Variants in USO1 observed in about 807,000 individuals in gnomAD.
The protein encoded by USO1 is USO1 vesicle transport factor, also known as general vesicular transport factor p115.
USO1 carries 57 observed loss-of-function variants against 124.5 expected under a neutral mutation model. The observed-to-expected ratio is 0.46, with a 90% CI of 0.37 to 0.57. The LOEUF (loss-of-function observed/expected upper bound fraction) is 0.57. USO1 is among the 20% of genes least tolerant of loss of function. USO1 has a pLI of 0.00. For synonymous variants in USO1, 369 were observed against 362.8 expected (o/e 1.02, Z -0.19); for missense variants, 900 against 1,040.6 (o/e 0.86, Z 1.86).
chr4:75,724,958 G>C (rs956630482), intron 1 of USO1, 73 bp downstream of exon 1: 1 of 1,540,412 alleles, frequency 6.5e-7, no homozygotes, highest in African/African-American at 1.4e-5. Flanking sequence ...TCGGAGACCC[G>C]AAGGTCACCT....
intron 1 of USO1, among the ~76,000 whole-genome samples, chr4:75,748,297 T>C (rs1721191849): frequency 6.6e-6 from 1 of 151,476 alleles, no homozygotes; most frequent in Non-Finnish European, 1.5e-5. Flanking sequence ...CAAGCAATTC[T>C]TGTGCCTCGG....
intron 1 of USO1, chr4:75,744,927 T>C: frequency 2.0e-6 from 1 of 507,824 alleles, no homozygotes; most frequent in Non-Finnish European, 3.9e-6. Context: ...AACAAATTTC[T>C]AGAAGTTGAA....
At chr4:75,800,867 T>C (rs894381857) in intron 16 of USO1, 68 bp downstream of exon 16, 1 of 1,535,928 alleles carries the variant, frequency 6.5e-7, no homozygotes, top group Non-Finnish European at 8.8e-7. Flanking sequence ...ATGTATATTC[T>C]GGATGCATAC....
At position 75,790,393 on chromosome 4, in the gene USO1, A is replaced by AAAT. The variant is rs571076036; in HGVS notation, c.1085+157_1085+158insTAA. Among the ~76,000 whole-genome samples, 740 of 152,342 alleles carry AAAT rather than the reference A, an allele frequency of 4.9e-3. 1 individual carries two copies. The highest frequency in any genetic ancestry group is 7.6e-3 in the Non-Finnish European group (514 of 68,030). ...CAAGATAAATGATATTGATATTTTA[A>AAAT]AAGAGTTGGTAGTCTTTGGAATTTA... On this transcript the variant is annotated intron_variant, in intron 11 of 23. Coordinates refer to ENST00000514213, the MANE Select transcript of USO1 (RefSeq NM_003715.4).
At chr4:75,781,349 A>C (rs1722216325) in intron 8 of USO1, among the ~76,000 whole-genome samples, 2 of 152,318 alleles carry the variant, frequency 1.3e-5, no homozygotes, top group Non-Finnish European at 2.9e-5. Context: ...TGCTGTGAAC[A>C]TTGGTGAAAT....
intron 1 of USO1, among the ~76,000 whole-genome samples, chr4:75,737,211 C>G (rs1403312149): frequency 6.6e-6 from 1 of 152,136 alleles, no homozygotes; most frequent in Non-Finnish European, 1.5e-5. Flanking sequence ...CCTCTGTTTC[C>G]TCATCTCTAA....
intron 7 of USO1, 140 bp downstream of exon 7, chr4:75,771,277 T>A: frequency 1.0e-6 from 1 of 978,512 alleles, no homozygotes. Context: ...TAAAAATTAG[T>A]AAACAGAGAT....
At chr4:75,796,905 G>A (rs1156814386) in intron 13 of USO1, among the ~76,000 whole-genome samples, 1 of 125,164 alleles carries the variant, frequency 8.0e-6, no homozygotes, top group East Asian at 2.2e-4. Context: ...TATGTCATTT[G>A]TCTTTTGACC....
intron 1 of USO1, among the ~76,000 whole-genome samples, chr4:75,738,747 T>C (rs1040944557): frequency 2.0e-5 from 3 of 152,114 alleles, no homozygotes; most frequent in South Asian, 4.1e-4. Flanking sequence ...CCCCAAAGTG[T>C]TGGGATTACA....
intron 1 of USO1, among the ~76,000 whole-genome samples, chr4:75,727,146 TCA>T (rs1461168189): frequency 6.6e-6 from 1 of 152,188 alleles, no homozygotes; most frequent in Non-Finnish European, 1.5e-5. Context: ...GGAATAGAAT[TCA>T]CAGTGTATAG....
intron 1 of USO1, among the ~76,000 whole-genome samples, chr4:75,747,230 G>GA (rs991429829): frequency 1.1e-4 from 17 of 152,164 alleles, no homozygotes; most frequent in African/African-American, 3.9e-4. Context: ...AGAGGTATCT[G>GA]AAAGAGCTCA....
At position 75,793,715 on chromosome 4, in the gene USO1, C is replaced by G. The variant is rs751108769; in HGVS notation, c.1266C>G (p.Gly422=). 6.2e-7 allele frequency: 1 copy of G among 1,610,962 alleles called. No individual in the cohort carries two copies. Among genetic ancestry groups the G allele is most frequent in the South Asian group, 1.1e-5 (1 of 90,694 alleles). The change falls in exon 13 of 24, where the codon GGC becomes GGG. Residue 422 remains glycine, a synonymous_variant. Coordinates refer to ENST00000514213, the MANE Select transcript of USO1 (RefSeq NM_003715.4). The part of the protein sequence containing the change: ...IDATGNSVSA[G]QLLCGGLFST... ...CAACAGGTAATTCAGTTTCAGCTGG[C>G]CAGTTATTATGTGGAGGTTTGTTTT...
At chr4:75,751,968 G>A (rs1165177238) in intron 1 of USO1, among the ~76,000 whole-genome samples, 1 of 152,010 alleles carries the variant, frequency 6.6e-6, no homozygotes, top group African/African-American at 2.4e-5. Flanking sequence ...TGATGAAAAT[G>A]TTAGGAAAAA....
chr4:75,769,740 CTTT>C (rs34266261), intron 4 of USO1, among the ~76,000 whole-genome samples: 4 of 139,984 alleles, frequency 2.9e-5, no homozygotes, highest in African/African-American at 8.0e-5. Flanking sequence ...TTTTAGTGAT[CTTT>C]TTTTTTTTTT....
At chr4:75,799,471 C>T in intron 13 of USO1, 151 bp from the exon 14 acceptor site, 1 of 817,562 alleles carries the variant, frequency 1.2e-6, no homozygotes, top group Non-Finnish European at 1.9e-6. Context: ...ATAATTTATT[C>T]TCTTGTTTAG....
chr4:75,750,890 C>G (rs1468858930), intron 1 of USO1, among the ~76,000 whole-genome samples: 1 of 152,094 alleles, frequency 6.6e-6, no homozygotes, highest in Non-Finnish European at 1.5e-5. Flanking sequence ...TTTAGGTTTC[C>G]AAATTCTTTT....
At chr4:75,790,883 G>C in intron 12 of USO1, 86 bp downstream of exon 12, 1 of 1,374,908 alleles carries the variant, frequency 7.3e-7, no homozygotes. Flanking sequence ...TTATGCTTTA[G>C]CCTAAAATAC....
Position 75,809,064 on chromosome 4 carries a change from T to C in USO1, c.2475+13T>C, listed in dbSNP as rs779576676. On this transcript the variant is annotated intron_variant, in intron 21 of 23. Transcript: ENST00000514213. ...AACAGAAGCGTTTGTAAGTATTTTC[T>C]CTTTTTTCTCTGGAAGGTAATAAAG... is the stretch of plus-strand genomic sequence containing the variant. The C allele has an allele frequency of 6.4e-7, 1 of 1,558,306 alleles. No individual in the cohort carries two copies. The highest frequency in any genetic ancestry group is 1.2e-5 in the South Asian group (1 of 81,400).
chr4:75,753,869 C>T (rs1005708698), intron 3 of USO1, among the ~76,000 whole-genome samples: 139 of 150,922 alleles, frequency 9.2e-4, no homozygotes, highest in African/African-American at 3.1e-3. Flanking sequence ...CTGCAAGCTC[C>T]GCCTCCCGAG....
Sources: gnomAD v4.1 joint callset for allele counts (sites outside exome capture counted in the v4.1 genomes callset) on GRCh38, gnomAD v4.1.1 for gene constraint, MANE v1.5 for transcripts, NCBI Gene and HGNC (gene_info 2026-07-23, HGNC 2026-07-21) for gene names.